EHBP1: variants seen among roughly 807,000 people sequenced by gnomAD.
The protein encoded by EHBP1 is EH domain binding protein 1, also known as EH domain-binding protein 1.
Under a neutral mutation model 144.0 loss-of-function variants are expected in EHBP1, and 55 were observed. The ratio of observed to expected loss-of-function variants is 0.38; its 90% CI spans 0.31 to 0.48. EHBP1 has a LOEUF of 0.48. EHBP1 is among the 20% of genes least tolerant of loss of function. The pLI is 0.98. For synonymous variants in EHBP1, 469 were observed against 472.7 expected (o/e 0.99, Z 0.10); for missense variants, 1,200 against 1,364.2 (o/e 0.88, Z 1.90).
At chr2:62,987,534 G>T (rs550915911) in intron 15 of EHBP1, among the ~76,000 whole-genome samples, 1 of 152,190 alleles carries the variant, frequency 6.6e-6, no homozygotes, top group Non-Finnish European at 1.5e-5. Context: ...CATTTAAATC[G>T]AATAATCTGA....
chr2:62,794,497 T>C (rs1204761633), intron 5 of EHBP1, among the ~76,000 whole-genome samples: 1 of 152,074 alleles, frequency 6.6e-6, no homozygotes, highest in Non-Finnish European at 1.5e-5. Flanking sequence ...TCATTGTACA[T>C]GTGAAAAGTA....
intron 7 of EHBP1, among the ~76,000 whole-genome samples, chr2:62,835,124 A>G (rs549089033): frequency 1.3e-5 from 2 of 151,106 alleles, no homozygotes; most frequent in South Asian, 4.2e-4. Context: ...TTAGATTTTT[A>G]TTTTCTTGGC....
chr2:62,917,936 G>A (rs1331105716), intron 10 of EHBP1, among the ~76,000 whole-genome samples: 2 of 149,300 alleles, frequency 1.3e-5, no homozygotes, highest in Non-Finnish European at 1.5e-5. Flanking sequence ...TCACTTTGTC[G>A]CCCAGGCTGG....
intron 13 of EHBP1, among the ~76,000 whole-genome samples, chr2:62,953,659 CA>C (rs1241176680): frequency 1.3e-5 from 2 of 151,880 alleles, no homozygotes; most frequent in Non-Finnish European, 2.9e-5. Context: ...CATGATTCTA[CA>C]GTTATTATCT....
chr2:62,939,628 G>A (rs2056615219), intron 10 of EHBP1, among the ~76,000 whole-genome samples: 1 of 151,984 alleles, frequency 6.6e-6, no homozygotes, highest in African/African-American at 2.4e-5. Context: ...AGATTGCATT[G>A]GAGTTAACCA....
intron 14 of EHBP1, among the ~76,000 whole-genome samples, chr2:62,976,512 G>A (rs1201479106): frequency 3.3e-5 from 5 of 152,046 alleles, no homozygotes; most frequent in African/African-American, 1.2e-4. Context: ...CTCTAACTTG[G>A]CTGCAATTGA....
intron 2 of EHBP1, among the ~76,000 whole-genome samples, chr2:62,735,900 A>G (rs2038076116): frequency 6.6e-6 from 1 of 151,962 alleles, no homozygotes; most frequent in African/African-American, 2.4e-5. Flanking sequence ...TTGTTTCTCT[A>G]TAGGTAAGGT....
At chr2:62,968,101 C>T (rs1350395144) in intron 14 of EHBP1, among the ~76,000 whole-genome samples, 2 of 152,112 alleles carry the variant, frequency 1.3e-5, no homozygotes, top group Non-Finnish European at 2.9e-5. Flanking sequence ...CCCACCCCAT[C>T]ACTGTTGTCA....
intron 5 of EHBP1, among the ~76,000 whole-genome samples, chr2:62,774,486 T>G (rs2041917746): frequency 6.6e-6 from 1 of 152,228 alleles, no homozygotes. Context: ...TATTAGCAGT[T>G]TGCTTTACTT....
chr2:62,894,326 T>A (rs2152923752), intron 10 of EHBP1, among the ~76,000 whole-genome samples: 1 of 152,288 alleles, frequency 6.6e-6, no homozygotes, highest in Middle Eastern at 3.4e-3. Context: ...GAGCATTACT[T>A]ACACCTCTGC....
intron 10 of EHBP1, among the ~76,000 whole-genome samples, chr2:62,923,492 T>C (rs1183503367): frequency 6.6e-6 from 1 of 152,148 alleles, no homozygotes; most frequent in African/African-American, 2.4e-5. Context: ...ATTGGCCCCA[T>C]GCCCACAGCA....
chr2:63,007,648 C>T (rs936344847), intron 19 of EHBP1, among the ~76,000 whole-genome samples: 2 of 151,658 alleles, frequency 1.3e-5, no homozygotes, highest in South Asian at 4.2e-4. Flanking sequence ...CCGTGTATAT[C>T]GCATTGTGCC....
At chr2:62,861,000 T>G (rs990971819) in intron 8 of EHBP1, among the ~76,000 whole-genome samples, 2 of 151,774 alleles carry the variant, frequency 1.3e-5, no homozygotes, top group Non-Finnish European at 2.9e-5. Flanking sequence ...CTTTATTGAT[T>G]AAAAACTTGC....
chr2:62,811,703 C>A (rs2045021920), intron 5 of EHBP1, among the ~76,000 whole-genome samples: 1 of 152,124 alleles, frequency 6.6e-6, no homozygotes, highest in Non-Finnish European at 1.5e-5. Flanking sequence ...GGTGTTCTTG[C>A]ATTGGGGTGA....
rs2053467426 is a variant in EHBP1 at position 62,902,173 on chromosome 2, C to A, written c.1185+27641C>A. On this transcript the variant is annotated intron_variant, in intron 10 of 22. Coordinates refer to ENST00000431489, the MANE Select transcript of EHBP1 (RefSeq NM_001142616.3). ...AAGTCATGTTCAAGAGTGTGCTTTG[C>A]CATTGGCTTCTCCATTTGTTGAATT... Among the ~76,000 whole-genome samples the A allele has an allele frequency of 2.6e-5, 4 of 152,000 alleles. No individual in the cohort carries two copies. In the South Asian group the frequency reaches 8.3e-4, roughly 32 times the overall value.
chr2:63,025,406 G>A (rs1265191976), intron 19 of EHBP1, among the ~76,000 whole-genome samples: 2 of 152,122 alleles, frequency 1.3e-5, no homozygotes, highest in Non-Finnish European at 2.9e-5. Flanking sequence ...TACTGCAGGT[G>A]CACACCACCA....
At chr2:62,785,808 A>T (rs2042761727) in intron 5 of EHBP1, among the ~76,000 whole-genome samples, 1 of 152,152 alleles carries the variant, frequency 6.6e-6, no homozygotes, top group African/African-American at 2.4e-5. Context: ...CTTATGCTGT[A>T]AACTACTGTA....
At chr2:62,857,547 G>A (rs6545972) in intron 7 of EHBP1, among the ~76,000 whole-genome samples, 96,058 of 152,000 alleles carry the variant, frequency 0.63, 30,434 homozygotes, top group South Asian at 0.69. Flanking sequence ...ACTTCCAATC[G>A]TTTTATTTCT....
chr2:63,022,739 A>G (rs574890888), intron 19 of EHBP1, among the ~76,000 whole-genome samples: 1 of 152,322 alleles, frequency 6.6e-6, no homozygotes, highest in East Asian at 1.9e-4. Flanking sequence ...TTATATAGTC[A>G]TTGTATCTGT....
Sources: allele counts gnomAD v4.1 joint callset (sites outside exome capture counted in the v4.1 genomes callset), GRCh38; gene constraint gnomAD v4.1.1; transcripts MANE v1.5; gene names NCBI Gene and HGNC (gene_info 2026-07-23, HGNC 2026-07-21).